MALRD1: variants seen among roughly 807,000 people sequenced by gnomAD.
MALRD1 encodes MAM and LDL receptor class A domain containing 1, also known as MAM and LDL-receptor class A domain-containing protein 1.
Under a neutral mutation model 242.1 loss-of-function variants are expected in MALRD1, and 247 were observed. That is an observed-to-expected ratio of 1.02 (90% CI 0.92 to 1.13). The LOEUF (loss-of-function observed/expected upper bound fraction) is 1.13. MALRD1 is among the 50% of genes most tolerant of loss of function. The pLI is 0.00. For synonymous variants in MALRD1, 995 were observed against 866.6 expected, an observed-to-expected ratio of 1.15 and a Z score of -2.60; for missense variants, 2,989 against 2,533.1, an observed-to-expected ratio of 1.18 and a Z score of -3.86.
At chr10:19,117,492 T>C (rs894030808) in intron 5 of MALRD1, among the ~76,000 whole-genome samples, 1 of 152,058 alleles carries the variant, frequency 6.6e-6, no homozygotes, top group Non-Finnish European at 1.5e-5. Flanking sequence ...AGAGATAATA[T>C]ACAACATTTA....
intron 32 of MALRD1, among the ~76,000 whole-genome samples, chr10:19,563,805 C>T (rs766274950): frequency 7.9e-5 from 12 of 152,102 alleles, no homozygotes; most frequent in Non-Finnish European, 1.5e-4. Flanking sequence ...GTTGGATGTC[C>T]CCTCCAAATC....
intron 19 of MALRD1, among the ~76,000 whole-genome samples, chr10:19,269,627 G>A (rs1322430312): frequency 2.6e-5 from 4 of 152,142 alleles, no homozygotes; most frequent in Non-Finnish European, 4.4e-5. Flanking sequence ...TGTGAAATCA[G>A]CTGCAACTCC....
chr10:19,359,576 CT>C (rs1689295478), intron 26 of MALRD1, among the ~76,000 whole-genome samples: 1 of 151,958 alleles, frequency 6.6e-6, no homozygotes, highest in African/African-American at 2.4e-5. Flanking sequence ...TCACTATTGT[CT>C]TTCCTGTGTA....
At chr10:19,666,155 A>T (rs907155566) in intron 36 of MALRD1, among the ~76,000 whole-genome samples, 1 of 152,148 alleles carries the variant, frequency 6.6e-6, no homozygotes, top group Non-Finnish European at 1.5e-5. Context: ...TCCTGGCATC[A>T]GCCTCCTCAC....
intron 28 of MALRD1, among the ~76,000 whole-genome samples, chr10:19,399,166 G>A (rs980368388): frequency 3.9e-5 from 6 of 152,116 alleles, no homozygotes; most frequent in African/African-American, 1.2e-4. Flanking sequence ...ATTTGCCCAC[G>A]GAAATTTTGT....
chr10:19,189,367 G>A (rs1418421934), intron 14 of MALRD1, among the ~76,000 whole-genome samples: 4 of 152,014 alleles, frequency 2.6e-5, no homozygotes, highest in Admixed American at 6.6e-5. Context: ...AGTGTCAGTG[G>A]TGAAGTTTGC....
intron 14 of MALRD1, among the ~76,000 whole-genome samples, chr10:19,185,006 C>A (rs1456842696): frequency 1.3e-5 from 2 of 152,184 alleles, no homozygotes; most frequent in Admixed American, 6.6e-5. Context: ...TATGCAAATA[C>A]TATTTATAAG....
At chr10:19,713,842 A>G (rs1291084539) in intron 38 of MALRD1, among the ~76,000 whole-genome samples, 1 of 152,218 alleles carries the variant, frequency 6.6e-6, no homozygotes, top group African/African-American at 2.4e-5. Flanking sequence ...TGAGAAAGGG[A>G]TTCAAAAGCA....
At chr10:19,275,490 A>C (rs953666435) in intron 19 of MALRD1, among the ~76,000 whole-genome samples, 1 of 152,098 alleles carries the variant, frequency 6.6e-6, no homozygotes, top group Admixed American at 6.6e-5. Flanking sequence ...AACACAGTGA[A>C]ACCCCGTCTC....
intron 29 of MALRD1, among the ~76,000 whole-genome samples, chr10:19,487,886 A>G (rs1042153552): frequency 1.3e-5 from 2 of 152,132 alleles, no homozygotes; most frequent in Non-Finnish European, 2.9e-5. Flanking sequence ...TGGATATCAT[A>G]CAGGTTTTAG....
chr10:19,228,866 G>A (rs771063673), intron 18 of MALRD1, among the ~76,000 whole-genome samples: 8 of 151,872 alleles, frequency 5.3e-5, no homozygotes, highest in Non-Finnish European at 1.2e-4. Context: ...AAAAAGGCAC[G>A]TAGTTTTGCA....
At chr10:19,239,360 G>C (rs1198295914) in intron 18 of MALRD1, among the ~76,000 whole-genome samples, 2 of 152,084 alleles carry the variant, frequency 1.3e-5, no homozygotes, top group Non-Finnish European at 1.5e-5. Flanking sequence ...TGTTTTTGCT[G>C]TTGAGTTGTT....
At chr10:19,201,377 G>A (rs919965997) in intron 14 of MALRD1, among the ~76,000 whole-genome samples, 2 of 152,132 alleles carry the variant, frequency 1.3e-5, no homozygotes, top group East Asian at 1.9e-4. Context: ...GGACTACAAA[G>A]TCACTGCAAT....
chr10:19,641,190 C>T (rs1329241813), intron 36 of MALRD1, among the ~76,000 whole-genome samples: 3 of 152,056 alleles, frequency 2.0e-5, no homozygotes, highest in Non-Finnish European at 2.9e-5. Flanking sequence ...ATGTGACAAA[C>T]AGCTAGATAC....
Position 19,498,554 on chromosome 10 carries a change from G to A in MALRD1, c.5228G>A (p.Ser1743Asn). Residue 1743 changes from serine to asparagine, a missense_variant, in exon 31 of 40, where the codon AGT (serine) becomes AAT (asparagine). Transcript: ENST00000454679. ...TSSGNWTTACSLTQDSEDDLD... is the reference protein window; with the variant it reads ...TSSGNWTTACNLTQDSEDDLD... ...TCAGGAAACTGGACCACAGCCTGCA[G>A]TCTTACTCAAGACTCTGAGGATGAC... is the stretch of plus-strand genomic sequence containing the variant. 6.5e-7 allele frequency: 1 copy of A among 1,550,350 alleles called. No individual in the cohort carries two copies. Among genetic ancestry groups the A allele is most frequent in the Non-Finnish European group, 8.7e-7 (1 of 1,146,890 alleles).
chr10:19,283,479 G>T (rs12254172), intron 21 of MALRD1, among the ~76,000 whole-genome samples: 12,164 of 152,128 alleles, frequency 0.08, 543 homozygotes, highest in Non-Finnish European at 0.089. Context: ...ATCTATGGAT[G>T]TCTTGCCTCC....
At chr10:19,368,214 G>A (rs1043682183) in intron 26 of MALRD1, among the ~76,000 whole-genome samples, 1 of 151,994 alleles carries the variant, frequency 6.6e-6, no homozygotes, top group Non-Finnish European at 1.5e-5. Context: ...AACTCCTGAA[G>A]CATTTCCCTT....
At chr10:19,306,821 G>C (rs974114142) in intron 21 of MALRD1, among the ~76,000 whole-genome samples, 1 of 151,260 alleles carries the variant, frequency 6.6e-6, no homozygotes, top group Non-Finnish European at 1.5e-5. Flanking sequence ...AGCAAAAGGG[G>C]GAAATGCCCC....
At chr10:19,225,152 G>A (rs1316193193) in intron 18 of MALRD1, among the ~76,000 whole-genome samples, 1 of 152,018 alleles carries the variant, frequency 6.6e-6, no homozygotes, top group Non-Finnish European at 1.5e-5. Context: ...TATATTTTAT[G>A]GTACAATGCC....
Sources: allele counts gnomAD v4.1 joint callset (sites outside exome capture counted in the v4.1 genomes callset), GRCh38; gene constraint gnomAD v4.1.1; transcripts MANE v1.5; gene names NCBI Gene and HGNC (gene_info 2026-07-23, HGNC 2026-07-21).